Variants in ZNF532 observed in about 807,000 individuals in gnomAD.
ZNF532 encodes the protein zinc finger protein 532.
ZNF532 carries 22 observed loss-of-function variants against 89.3 expected under a neutral mutation model. The ratio of observed to expected loss-of-function variants is 0.25; its 90% confidence interval spans 0.18 to 0.35. The LOEUF (loss-of-function observed/expected upper bound fraction) is 0.35. Ranked by LOEUF, ZNF532 falls within the 10% of genes least tolerant of loss-of-function variation. The pLI is 1.00. For synonymous variants in ZNF532, 606 were observed against 649.6 expected, an observed-to-expected ratio of 0.93 and a Z score of 1.02; for missense variants, 1,132 against 1,643.4, an observed-to-expected ratio of 0.69 and a Z score of 5.38.
chr18:58,928,093 T>C (rs1400333100), intron 3 of ZNF532, among the ~76,000 whole-genome samples: 1 of 152,172 alleles, frequency 6.6e-6, no homozygotes, highest in Non-Finnish European at 1.5e-5. Flanking sequence ...TTGTTATCAT[T>C]TTCTATTTTG....
chr18:58,942,223 C>A (rs556431770), intron 5 of ZNF532, among the ~76,000 whole-genome samples: 1 of 151,140 alleles, frequency 6.6e-6, no homozygotes, highest in South Asian at 2.1e-4. Flanking sequence ...GGGGTTTCAC[C>A]GTGTTAGCCA....
chr18:58,868,820 G>A (rs1002771965), intron 2 of ZNF532, among the ~76,000 whole-genome samples: 3 of 152,118 alleles, frequency 2.0e-5, no homozygotes, highest in African/African-American at 7.2e-5. Context: ...GATTAATGCA[G>A]GGGTACATTC....
At chr18:58,958,360 T>C (rs75285445) in intron 7 of ZNF532, among the ~76,000 whole-genome samples, 3,310 of 152,360 alleles carry the variant, frequency 0.022, 57 homozygotes, top group Middle Eastern at 0.044. Flanking sequence ...AGCAGCATTT[T>C]AAGAAGTTCT....
At chr18:58,913,836 T>C (rs1184838831) in intron 2 of ZNF532, among the ~76,000 whole-genome samples, 1 of 152,170 alleles carries the variant, frequency 6.6e-6, no homozygotes, top group East Asian at 1.9e-4. Context: ...GGGTATTGAT[T>C]TTCATTAAGG....
chr18:58,866,591 T>A (rs969986979), intron 2 of ZNF532, among the ~76,000 whole-genome samples: 3 of 152,096 alleles, frequency 2.0e-5, no homozygotes, highest in African/African-American at 7.2e-5. Flanking sequence ...GAAAATAAAA[T>A]TTTCCCCTAC....
chr18:58,970,116 C>G (rs2066322674), intron 7 of ZNF532, among the ~76,000 whole-genome samples: 1 of 152,122 alleles, frequency 6.6e-6, no homozygotes, highest in Admixed American at 6.5e-5. Flanking sequence ...AAACTCCTGA[C>G]CTCGTGATCC....
At chr18:58,917,617 C>T (rs528643508) in intron 2 of ZNF532, among the ~76,000 whole-genome samples, 2 of 152,214 alleles carry the variant, frequency 1.3e-5, no homozygotes, top group African/African-American at 4.8e-5. Flanking sequence ...TCTCCATCCT[C>T]CTATCATCTG....
In ZNF532 at chr18:58,983,698, C is replaced by T. The variant is rs147464454; in HGVS notation, c.3412-274C>T. Among the ~76,000 whole-genome samples, 416 of 151,948 alleles carry T rather than the reference C, an allele frequency of 2.7e-3. 2 individuals carry two copies. The highest frequency in any genetic ancestry group is 9.4e-3 in the African/African-American group (389 of 41,426). ...TCATTTGTTTCTGTTCATCTAACTCCGCTGCCACAAATTTCAGGAAGCTAG... is the reference window on the plus strand; with the variant it reads ...TCATTTGTTTCTGTTCATCTAACTCTGCTGCCACAAATTTCAGGAAGCTAG... On this transcript the variant is annotated intron_variant, in intron 9 of 9. Coordinates refer to ENST00000591808, the MANE Select transcript of ZNF532 (RefSeq NM_001375912.1).
chr18:58,908,451 T>G (rs545095111), intron 2 of ZNF532, among the ~76,000 whole-genome samples: 43 of 151,436 alleles, frequency 2.8e-4, no homozygotes, highest in African/African-American at 1.0e-3. Context: ...AAGAAAGAAA[T>G]AAACAGGAAA....
chr18:58,878,831 A>G (rs1297582474), intron 2 of ZNF532, among the ~76,000 whole-genome samples: 2 of 152,254 alleles, frequency 1.3e-5, no homozygotes, highest in Non-Finnish European at 2.9e-5. Context: ...CTCAAGCGTC[A>G]TCTTGCACTA....
upstream of ZNF532, chr18:58,864,172 A>G (rs1322571723): frequency 6.6e-6 from 1 of 151,042 alleles, no homozygotes; most frequent in Non-Finnish European, 1.5e-5. Flanking sequence ...AGACAGCCCC[A>G]GTTTTCTTCC....
In ZNF532 at chr18:58,885,580, C is replaced by T. The variant is rs112189531; in HGVS notation, c.-18+20001C>T. Among the ~76,000 whole-genome samples, 845 of 152,138 alleles carry T rather than the reference C, an allele frequency of 5.6e-3. 8 individuals are homozygous for T. The highest frequency in any genetic ancestry group is 0.02 in the African/African-American group (820 of 41,492). On this transcript the variant is annotated intron_variant, in intron 2 of 9. Transcript: ENST00000591808. ...GTTAGAAGAATACAGTTGGACTGGG[C>T]ATGGTGGCTCATGCCTGTAATCCCA...
In ZNF532 at chr18:58,939,439, T is replaced by C. The variant is rs1208885485; in HGVS notation, c.2529-6T>C. Reference sequence around the variant, plus strand: ...GCTAATGACCGTGTGTTTATTTTTCTAACAGATGTGTGCATTGCAATGTTG... The same window carrying C: ...GCTAATGACCGTGTGTTTATTTTTCCAACAGATGTGTGCATTGCAATGTTG... On this transcript the variant is annotated splice_polypyrimidine_tract_variant and splice_region_variant and intron_variant, in intron 4 of 9. Transcript: ENST00000591808. 1 of 1,609,260 alleles carries C rather than the reference T, an allele frequency of 6.2e-7. No homozygotes were observed. Among genetic ancestry groups the C allele is most frequent in the Non-Finnish European group, 8.5e-7 (1 of 1,177,840 alleles).
chr18:58,942,154 C>A (rs1004392281), intron 5 of ZNF532, among the ~76,000 whole-genome samples: 22 of 151,558 alleles, frequency 1.5e-4, no homozygotes, highest in Non-Finnish European at 2.9e-5. Context: ...TCCTGAGTAG[C>A]TGGGACTACA....
chr18:58,877,556 A>G (rs2057531286), intron 2 of ZNF532, among the ~76,000 whole-genome samples: 1 of 152,256 alleles, frequency 6.6e-6, no homozygotes, highest in African/African-American at 2.4e-5. Flanking sequence ...GCCATTTCAC[A>G]GAAATTCTAG....
At chr18:58,915,364 C>T (rs961844588) in intron 2 of ZNF532, among the ~76,000 whole-genome samples, 8 of 152,190 alleles carry the variant, frequency 5.3e-5, no homozygotes, top group African/African-American at 1.7e-4. Context: ...CCTCTTACCA[C>T]GTCCCACTGC....
intron 2 of ZNF532, among the ~76,000 whole-genome samples, chr18:58,891,349 G>A (rs8087903): frequency 0.12 from 18,422 of 152,148 alleles, 1,910 homozygotes; most frequent in East Asian, 0.37. Context: ...GGCCAACATG[G>A]CGAAACCCTA....
intron 7 of ZNF532, among the ~76,000 whole-genome samples, chr18:58,976,329 T>G (rs530896889): frequency 6.6e-6 from 1 of 152,324 alleles, no homozygotes; most frequent in South Asian, 2.1e-4. Context: ...TTTTTTAGGG[T>G]TTTCTTACTG....
At chr18:58,952,285 C>G (rs1247216974) in intron 6 of ZNF532, among the ~76,000 whole-genome samples, 2 of 152,186 alleles carry the variant, frequency 1.3e-5, no homozygotes, top group East Asian at 1.9e-4. Flanking sequence ...TTCAGGAATT[C>G]ATGGTTTAAC....
Sources: gnomAD v4.1 joint callset for allele counts (sites outside exome capture counted in the v4.1 genomes callset) on GRCh38, gnomAD v4.1.1 for gene constraint, MANE v1.5 for transcripts, NCBI Gene and HGNC (gene_info 2026-07-23, HGNC 2026-07-21) for gene names.